UBR2: variants seen among roughly 807,000 people sequenced by gnomAD.
UBR2 encodes the protein ubiquitin protein ligase E3 component n-recognin 2, also known as E3 ubiquitin-protein ligase UBR2.
Under a neutral mutation model 247.9 loss-of-function variants are expected in UBR2, and 92 were observed. That is an observed-to-expected ratio of 0.37 (90% confidence interval 0.31 to 0.44). The LOEUF (loss-of-function observed/expected upper bound fraction) is 0.44. Ranked by LOEUF, UBR2 falls within the 20% of genes least tolerant of loss-of-function variation. UBR2 has a pLI of 1.00. For synonymous variants in UBR2, 672 were observed against 693.5 expected, an observed-to-expected ratio of 0.97 and a Z score of 0.49; for missense variants, 1,613 against 2,112.6, an observed-to-expected ratio of 0.76 and a Z score of 4.64.
At position 42,689,723 on chromosome 6, in the gene UBR2, TGTGGTGAC is replaced by T. The variant is rs1050062551; in HGVS notation, c.5126+56_5126+63del. 8 of 1,495,280 alleles carry T rather than the reference TGTGGTGAC, an allele frequency of 5.4e-6. No individual in the cohort carries two copies. The African/African-American group carries it at 1.1e-4, about 21-fold the overall frequency. The allele number at this position is 1,495,280 out of a possible 1,614,324, so 92.6% of individuals were successfully genotyped here. On this transcript the variant is annotated intron_variant, in intron 46 of 46. Coordinates refer to ENST00000372901, the MANE Select transcript of UBR2 (RefSeq NM_001363705.2). This position sits in a 1 kb window ranked among gnomAD's most constrained non-coding sequence, Gnocchi z 4.0. ...TCAGGGCCTGCAGCGCCCTTCCGTA[TGTGGTGAC>T]GTCCTGAGGGTGGAGGGCTGAGGTG...
chr6:42,648,008 T>G (rs1326172971), intron 21 of UBR2, 110 bp from the exon 22 acceptor site: 11 of 699,086 alleles, frequency 1.6e-5, no homozygotes, highest in Non-Finnish European at 2.4e-5. Context: ...AAAATGGAGA[T>G]AAGGTGTATC....
chr6:42,622,367 G>C (rs937086680), intron 11 of UBR2, among the ~76,000 whole-genome samples: 1 of 148,062 alleles, frequency 6.8e-6, no homozygotes, highest in Non-Finnish European at 1.5e-5. Flanking sequence ...GTTTGGTTTT[G>C]GGGGGAGGGG....
At chr6:42,677,505 C>T (rs753470845) in intron 40 of UBR2, among the ~76,000 whole-genome samples, 7 of 152,158 alleles carry the variant, frequency 4.6e-5, no homozygotes, top group Admixed American at 1.3e-4. Context: ...CAGCCAGGCA[C>T]GGTGTCTCAC....
intron 38 of UBR2, 76 bp downstream of exon 38, chr6:42,674,269 T>C: frequency 7.4e-7 from 1 of 1,354,792 alleles, no homozygotes; most frequent in South Asian, 1.3e-5. Flanking sequence ...AGCAGTGTAG[T>C]GGCAGACAGG....
chr6:42,678,737 C>G, intron 41 of UBR2, 68 bp downstream of exon 41: 3 of 1,519,930 alleles, frequency 2.0e-6, no homozygotes, highest in South Asian at 2.6e-5. Context: ...ATATAAAGAT[C>G]ACTTGCAAAA....
In UBR2 at chr6:42,670,675, A is replaced by T; in HGVS notation, c.4046A>T (p.Asp1349Val). 6.2e-7 allele frequency: 1 copy of T among 1,609,310 alleles called. No individual in the cohort carries two copies. Among genetic ancestry groups the T allele is most frequent in the Non-Finnish European group, 8.5e-7 (1 of 1,177,294 alleles). ...TIQSIERILSDEDKPLFGPLP... is the reference protein window; with the variant it reads ...TIQSIERILSVEDKPLFGPLP... ...TAATCTGTAGAAAGAATTTTGAGTG[A>T]TGAAGATAAACCATTGTTTGGTCCT... The change falls in exon 36 of 47, where the codon GAT (aspartate) becomes GTT (valine). Residue 1349 changes from aspartate (D) to valine (V), a missense_variant. By Grantham distance (152) the Asp-to-Val change is radical. Coordinates refer to ENST00000372901, the MANE Select transcript of UBR2 (RefSeq NM_001363705.2).
At chr6:42,614,392 G>A (rs1404908790) in intron 8 of UBR2, among the ~76,000 whole-genome samples, 31 of 126,674 alleles carry the variant, frequency 2.4e-4, no homozygotes, top group African/African-American at 8.2e-4. Flanking sequence ...ATGTATGTAC[G>A]TACATACATA....
chr6:42,684,382 C>T (rs1373787373), intron 43 of UBR2, among the ~76,000 whole-genome samples: 3 of 151,848 alleles, frequency 2.0e-5, no homozygotes, highest in Non-Finnish European at 4.4e-5. Flanking sequence ...CAAGACCATC[C>T]TGGCTAATAC....
chr6:42,657,359 T>C (rs1193817302), intron 26 of UBR2, among the ~76,000 whole-genome samples: 3 of 152,230 alleles, frequency 2.0e-5, no homozygotes, highest in Non-Finnish European at 4.4e-5. Context: ...AGACACACGA[T>C]TTATTTCCAA....
At chr6:42,649,971 T>C (rs1218763550) in intron 22 of UBR2, among the ~76,000 whole-genome samples, 1 of 152,228 alleles carries the variant, frequency 6.6e-6, no homozygotes, top group East Asian at 1.9e-4. Context: ...TTATCACTGT[T>C]AATGGTGTTC....
intron 34 of UBR2, among the ~76,000 whole-genome samples, chr6:42,667,010 C>T (rs1798143014): frequency 6.6e-6 from 1 of 152,050 alleles, no homozygotes. Flanking sequence ...GAAAGCTGTG[C>T]CTGGCATGTA....
intron 11 of UBR2, among the ~76,000 whole-genome samples, chr6:42,623,612 C>T (rs1479653549): frequency 6.6e-6 from 1 of 152,068 alleles, no homozygotes; most frequent in Admixed American, 6.6e-5. Context: ...CCACCACGCC[C>T]AGCTAATTTT....
chr6:42,650,373 C>T lies in UBR2; in HGVS notation c.2552C>T (p.Ala851Val). The T allele has an allele frequency of 6.2e-7, 1 of 1,613,130 alleles. No individual in the cohort carries two copies. The highest frequency in any genetic ancestry group is 8.5e-7 in the Non-Finnish European group (1 of 1,179,356). ...FNLYFYHFSR[A>V]EQSKAEEAQR... Reference sequence around the variant, plus strand: ...TTGTATTTCTATCACTTTTCAAGGGCAGAACAGTCCAAGGTAATTGGGAAA... The same window carrying T: ...TTGTATTTCTATCACTTTTCAAGGGTAGAACAGTCCAAGGTAATTGGGAAA... Residue 851 changes from alanine (A) to valine (V), a missense_variant, in exon 23 of 47, where the codon GCA becomes GTA. Transcript: ENST00000372901.
chr6:42,655,779 C>T, intron 26 of UBR2, 56 bp downstream of exon 26: 2 of 1,045,994 alleles, frequency 1.9e-6, no homozygotes, highest in Non-Finnish European at 2.7e-6. Context: ...TTTAAGAAAT[C>T]ACTTAATAAC....
Position 42,661,011 on chromosome 6 carries a change from AGG to A in UBR2, c.3442+1157_3442+1158del, listed in dbSNP as rs770384938. ...TGTTTGTTTTTAAAAAAAAAAAAAAAGGCCAGGCGCAGTGGCTCATGTCTGTA... is the reference window on the plus strand; with the variant it reads ...TGTTTGTTTTTAAAAAAAAAAAAAAACCAGGCGCAGTGGCTCATGTCTGTA... On this transcript the variant is annotated intron_variant, in intron 30 of 46. Coordinates refer to ENST00000372901, the MANE Select transcript of UBR2 (RefSeq NM_001363705.2). 3.0e-3 allele frequency among the ~76,000 whole-genome samples: 447 copies of A among 148,472 alleles called. 2 individuals are homozygous for A. The highest frequency in any genetic ancestry group is 5.3e-3 in the Non-Finnish European group (355 of 66,856).
At chr6:42,586,538 C>CTTTTTTTTTTTTT (rs147830824) in intron 2 of UBR2, among the ~76,000 whole-genome samples, 5 of 97,254 alleles carry the variant, frequency 5.1e-5, no homozygotes, top group Admixed American at 2.3e-4. Context: ...GTTTGTCTCT[C>CTTTTTTTTTTTTT]TTTTTTTTTT....
intron 17 of UBR2, among the ~76,000 whole-genome samples, chr6:42,641,982 A>G (rs1475866898): frequency 6.6e-6 from 1 of 152,232 alleles, no homozygotes; most frequent in Non-Finnish European, 1.5e-5. Flanking sequence ...TTTAAATCAA[A>G]TTGAATTAAA....
intron 4 of UBR2, 134 bp downstream of exon 4, chr6:42,594,438 C>G (rs1052196382): frequency 1.6e-5 from 11 of 676,368 alleles, no homozygotes; most frequent in Admixed American, 3.1e-5. Flanking sequence ...TTTGAAAGTT[C>G]TTTGCATTTT....
intron 41 of UBR2, 113 bp from the exon 42 acceptor site, chr6:42,679,611 T>A: frequency 2.6e-6 from 2 of 763,852 alleles, no homozygotes; most frequent in Non-Finnish European, 2.2e-6. Context: ...GTTACGTACC[T>A]GGCAAATTGG....
Sources: gnomAD v4.1 joint callset for allele counts (sites outside exome capture counted in the v4.1 genomes callset) on GRCh38, gnomAD v4.1.1 for gene constraint, Gnocchi (gnomAD v3.1) non-coding constraint, MANE v1.5 for transcripts, NCBI Gene and HGNC (gene_info 2026-07-23, HGNC 2026-07-21) for gene names.